The following FBXO10 variants were observed in gnomAD, a reference collection of about 807,000 sequenced individuals.
FBXO10 encodes F-box protein 10.
A neutral mutation model predicts 80.7 loss-of-function variants in FBXO10; 39 were observed. The observed-to-expected ratio is 0.48, with a 90% CI of 0.37 to 0.63. The LOEUF (loss-of-function observed/expected upper bound fraction) is 0.63. Among genes scored for constraint, FBXO10 ranks in the 30% least tolerant of loss-of-function variants. The pLI, the probability that FBXO10 is intolerant of heterozygous loss-of-function variation, is 0.00. For missense variants in FBXO10, 1,025 were observed against 1,269.0 expected (o/e 0.81, Z 2.92); for synonymous variants, 449 against 489.6 (o/e 0.92, Z 1.09).
At position 37,517,955 on chromosome 9, in the gene FBXO10, C is replaced by G. The variant is rs551347607; in HGVS notation, c.2514+170G>C. Reference sequence around the variant, plus strand: ...TTCAGGACTCAGCTTCTCCGTCCCCCCCTGTGGGAAGTCCCACCCACATTT... The same window carrying G: ...TTCAGGACTCAGCTTCTCCGTCCCCGCCTGTGGGAAGTCCCACCCACATTT... On this transcript the variant is annotated intron_variant, in intron 9 of 10. Transcript: ENST00000432825. 8.0e-5 allele frequency among the ~76,000 whole-genome samples: 12 copies of G among 150,680 alleles called. 1 individual carries two copies. The highest frequency in any genetic ancestry group is 2.6e-4 in the Admixed American group (4 of 15,222).
intron 1 of FBXO10, among the ~76,000 whole-genome samples, chr9:37,563,224 C>A (rs968590450): frequency 2.4e-4 from 37 of 152,324 alleles, no homozygotes; most frequent in Non-Finnish European, 4.4e-5. Context: ...GAGGCCTCCC[C>A]AGCCATGCAG....
chr9:37,537,383 G>C lies in FBXO10; in HGVS notation c.1146C>G (p.Arg382=). The C allele has an allele frequency of 6.3e-7, 1 of 1,596,740 alleles. No homozygotes were observed. The highest frequency in any genetic ancestry group is 1.8e-5 in the Admixed American group (1 of 56,680). ...YRLSYQVQGP[R]PVLGGSFLGP... Reference sequence around the variant, plus strand: ...CCAGAAATGAGCCCCCCAATACAGGGCGTGGGCCCTGCACTTGGTAGGATA... The same window carrying C: ...CCAGAAATGAGCCCCCCAATACAGGCCGTGGGCCCTGCACTTGGTAGGATA... Residue 382 remains arginine, a synonymous_variant, in exon 3 of 11, where the codon CGC becomes CGG. Transcript: ENST00000432825.
intron 1 of FBXO10, among the ~76,000 whole-genome samples, chr9:37,555,450 C>G (rs948785656): frequency 2.0e-5 from 3 of 151,758 alleles, no homozygotes; most frequent in African/African-American, 7.3e-5. Flanking sequence ...CTCGGCTCAC[C>G]GCAACCTCCA....
At chr9:37,521,167 T>C (rs1189165717) in intron 8 of FBXO10, among the ~76,000 whole-genome samples, 3 of 152,234 alleles carry the variant, frequency 2.0e-5, no homozygotes, top group African/African-American at 4.8e-5. Flanking sequence ...AAGAAGTGGC[T>C]GATGAGGCCT....
rs548065469 is a variant in FBXO10 at position 37,511,161 on chromosome 9, C to A, written c.*1386G>T. 1.3e-5 allele frequency: 2 copies of A among 152,710 alleles called. No individual in the cohort carries two copies. Among genetic ancestry groups the A allele is most frequent in the African/African-American group, 4.8e-5 (2 of 41,522 alleles). The allele number at this position is 152,710 out of a possible 1,614,324, so 9.5% of individuals were successfully genotyped here. A position where few individuals can be genotyped will look rare whatever the true frequency, so the allele number is the denominator to read the frequency against. On this transcript the variant is annotated 3_prime_UTR_variant, in exon 11 of 11. Transcript: ENST00000432825. Reference sequence around the variant, plus strand: ...GAGCAGCACCTAGGGCCAATAGAACCAGCCACGCAGCCAAGTGCACGACAG... The same window carrying A: ...GAGCAGCACCTAGGGCCAATAGAACAAGCCACGCAGCCAAGTGCACGACAG...
intron 4 of FBXO10, among the ~76,000 whole-genome samples, chr9:37,531,120 G>A (rs1292405133): frequency 6.6e-6 from 1 of 152,012 alleles, no homozygotes; most frequent in Non-Finnish European, 1.5e-5. Flanking sequence ...TCTTCACAGG[G>A]TTCTGTAAGC....
chr9:37,568,674 G>T (rs1271993369), intron 1 of FBXO10, among the ~76,000 whole-genome samples: 1 of 152,056 alleles, frequency 6.6e-6, no homozygotes. Flanking sequence ...GAGTTCATGT[G>T]GTCTAAGGTC....
At position 37,515,973 on chromosome 9, in the gene FBXO10, A is replaced by G. The variant is rs759862242; in HGVS notation, c.2627T>C (p.Ile876Thr). The G allele has an allele frequency of 2.5e-6, 4 of 1,613,916 alleles. No homozygotes were observed. In the African/African-American group the frequency reaches 5.3e-5, roughly 22 times the overall value. The change falls in exon 10 of 11, where the codon ATC (isoleucine) becomes ACC (threonine). Residue 876 changes from isoleucine to threonine, a missense_variant. Physicochemically the swap from Ile to Thr is moderately conservative, Grantham distance 89. Around this residue, in one of 3 missense-constraint regions of FBXO10, gnomAD observed 478 missense variants for 667.8 expected, o/e 0.72. Transcript: ENST00000432825. ...IIFQGKTSKT[I>T]FQQISNNREC... ...TCGGTTGTTTGAGATCTGCTGAAAG[A>G]TGGTCTTACTGGTTTTGCCCTGGAA...
intron 1 of FBXO10, among the ~76,000 whole-genome samples, chr9:37,556,048 G>A (rs1267441053): frequency 6.6e-6 from 1 of 151,946 alleles, no homozygotes; most frequent in Non-Finnish European, 1.5e-5. Context: ...TTTCTATGTG[G>A]ATATCAAGTT....
chr9:37,547,045 C>T (rs1822075361), intron 1 of FBXO10, among the ~76,000 whole-genome samples: 2 of 152,076 alleles, frequency 1.3e-5, no homozygotes, highest in Non-Finnish European at 2.9e-5. Context: ...ATCCTATGAC[C>T]CAGGAATTCC....
intron 1 of FBXO10, among the ~76,000 whole-genome samples, chr9:37,558,113 C>T (rs887452381): frequency 1.3e-5 from 2 of 152,234 alleles, no homozygotes; most frequent in Non-Finnish European, 2.9e-5. Context: ...GCACCATATA[C>T]TGCGCACTTT....
At chr9:37,547,194 T>G (rs1588847452) in intron 1 of FBXO10, among the ~76,000 whole-genome samples, 1 of 152,174 alleles carries the variant, frequency 6.6e-6, no homozygotes, top group African/African-American at 2.4e-5. Flanking sequence ...TCAACAGAAG[T>G]GTGGATAAAC....
In FBXO10 at chr9:37,518,439, C is replaced by T; in HGVS notation, c.2201-1G>A. On this transcript the variant is annotated splice_acceptor_variant, in intron 8 of 10. Transcript: ENST00000432825. LOFTEE classifies it high-confidence loss of function. Reference sequence around the variant, plus strand: ...CTGCTCTGGACATAGAGTCCTGAGGCTATGGGTGGAAGGGTTGGAAAGCAC... The same window carrying T: ...CTGCTCTGGACATAGAGTCCTGAGGTTATGGGTGGAAGGGTTGGAAAGCAC... 1 of 1,580,370 alleles carries T rather than the reference C, an allele frequency of 6.3e-7. No homozygotes were observed. The highest frequency in any genetic ancestry group is 1.2e-5 in the South Asian group (1 of 84,878).
chr9:37,525,384 T>C (rs4878696), intron 5 of FBXO10, among the ~76,000 whole-genome samples: 10,910 of 152,120 alleles, frequency 0.072, 511 homozygotes, highest in South Asian at 0.12. Flanking sequence ...CACAGGGGCA[T>C]AAAAGCATTT....
chr9:37,529,808 T>G (rs973553325), intron 4 of FBXO10, among the ~76,000 whole-genome samples: 1 of 151,574 alleles, frequency 6.6e-6, no homozygotes, highest in East Asian at 1.9e-4. Flanking sequence ...TCTTAGAAGG[T>G]GTATGAGCTA....
chr9:37,543,838 G>C (rs1045220825), intron 1 of FBXO10, among the ~76,000 whole-genome samples: 1 of 152,220 alleles, frequency 6.6e-6, no homozygotes, highest in African/African-American at 2.4e-5. Flanking sequence ...CAACTAGAAA[G>C]TAGGACTATG....
chr9:37,528,275 G>A (rs1355423506), intron 5 of FBXO10, among the ~76,000 whole-genome samples: 1 of 152,184 alleles, frequency 6.6e-6, no homozygotes, highest in African/African-American at 2.4e-5. Flanking sequence ...TGGCACAGAT[G>A]GTCTGCCGCA....
chr9:37,522,334 T>C (rs2119066986), intron 7 of FBXO10: 2 of 999,842 alleles, frequency 2.0e-6, no homozygotes, highest in African/African-American at 1.7e-5. Context: ...TAGAAAGGGC[T>C]GAGTAGAGAG....
intron 1 of FBXO10, among the ~76,000 whole-genome samples, chr9:37,572,455 A>G (rs557052187): frequency 1.6e-4 from 25 of 152,344 alleles, no homozygotes; most frequent in Middle Eastern, 3.4e-3. Flanking sequence ...GAATACATCT[A>G]TTGTGACACA....
Sources: allele counts gnomAD v4.1 joint callset (sites outside exome capture counted in the v4.1 genomes callset), GRCh38; gene constraint gnomAD v4.1.1; regional missense constraint gnomAD v4.1.1; transcripts MANE v1.5; gene names NCBI Gene and HGNC (gene_info 2026-07-23, HGNC 2026-07-21).